BRCA1: variants seen among roughly 807,000 people sequenced by gnomAD.
BRCA1 encodes BRCA1 DNA repair associated, also known as breast cancer type 1 susceptibility protein.
Under a neutral mutation model 173.7 loss-of-function variants are expected in BRCA1, and 140 were observed. The ratio of observed to expected loss-of-function variants is 0.81; its 90% CI spans 0.70 to 0.93. BRCA1 has a LOEUF of 0.93. BRCA1 is among the 40% of genes least tolerant of loss of function. The pLI, the probability that BRCA1 is intolerant of heterozygous loss-of-function variation, is 0.00. For synonymous variants in BRCA1, 662 were observed against 756.0 expected (o/e 0.88, Z 2.04); for missense variants, 1,983 against 2,172.5 (o/e 0.91, Z 1.73).
At position 43,132,145 on chromosome 17, in the gene BRCA1, A is replaced by G. The variant is rs189845846; in HGVS notation, c.-19-8030T>C. Among the ~76,000 whole-genome samples the G allele has an allele frequency of 3.3e-5, 5 of 152,330 alleles. No individual in the cohort carries two copies. In the East Asian group the frequency reaches 9.6e-4, roughly 29 times the overall value. On this transcript the variant is annotated intron_variant, in intron 1 of 7. Transcript: ENST00000634433. ...ATTTGCCCCAATTTACAGATGAGGAACTGAGGCACAGAGAGGTTTTGGTAC... is the reference window on the plus strand; with the variant it reads ...ATTTGCCCCAATTTACAGATGAGGAGCTGAGGCACAGAGAGGTTTTGGTAC...
intron 14 of BRCA1, 63 bp downstream of exon 14, chr17:43,074,268 T>A (rs1417939677): frequency 2.0e-5 from 31 of 1,585,690 alleles, no homozygotes; most frequent in Non-Finnish European, 2.7e-5. Flanking sequence ...AACCAGAATA[T>A]CTTTATGTAG....
Position 43,102,706 on chromosome 17 carries a change from G to A in BRCA1, c.441+1416C>T, listed in dbSNP as rs34765977. 9.7e-3 allele frequency among the ~76,000 whole-genome samples: 1,466 copies of A among 150,814 alleles called. 13 individuals carry two copies. The highest frequency in any genetic ancestry group is 0.016 in the Non-Finnish European group (1,087 of 67,814). On this transcript the variant is annotated intron_variant, in intron 6 of 22. Transcript: ENST00000357654. The stretch of plus-strand genomic sequence containing the variant: ...CTTGCTTTGCCGCCCACGCTGAAGT[G>A]CAGTGGAGTGATCATAGCTCACTGT...
rs192658149 is a variant in BRCA1, at chr17:43,110,175, T to C, written c.135-3642A>G. ...TCCCAAAGTGCTGGGATTACAGGCG[T>C]GAGCCACCGCACCCGGCCTCGAATC... is the stretch of plus-strand genomic sequence containing the variant. On this transcript the variant is annotated intron_variant, in intron 3 of 22. Transcript: ENST00000357654. 7.2e-5 allele frequency among the ~76,000 whole-genome samples: 11 copies of C among 152,250 alleles called. No individual in the cohort carries two copies. The East Asian group carries it at 2.1e-3, about 29-fold the overall frequency.
chr17:43,137,996 G>C (rs1175131063), intron 1 of BRCA1, among the ~76,000 whole-genome samples: 1 of 150,166 alleles, frequency 6.7e-6, no homozygotes, highest in Non-Finnish European at 1.5e-5. Flanking sequence ...AGACCAGTCT[G>C]ACCAGCATGG....
intron 16 of BRCA1, 53 bp from the exon 17 acceptor site, chr17:43,064,004 G>T (rs8176258): frequency 6.5e-7 from 1 of 1,533,758 alleles, no homozygotes; most frequent in Non-Finnish European, 9.0e-7. Context: ...AAATCAGGAA[G>T]TGCTGTCCTA....
Position 43,147,210 on chromosome 17 carries a change from GAC to G in BRCA1, c.-20+22914_-20+22915del, listed in dbSNP as rs766115106. On this transcript the variant is annotated intron_variant, in intron 1 of 7. Transcript: ENST00000634433. ...CGACGGGGTTTCTTTTTTATTTTGA[GAC>G]AGAGTCTCGCTCTGTAGCCCAGGCT... is the stretch of plus-strand genomic sequence containing the variant. Among the ~76,000 whole-genome samples, 11 of 152,008 alleles carry G rather than the reference GAC, an allele frequency of 7.2e-5. 1 individual carries two copies. The East Asian group carries it at 1.5e-3, about 21-fold the overall frequency.
chr17:43,124,747 TTTTTGTTTTGTTTTG>T (rs572878542), intron 1 of BRCA1: 1 of 199,266 alleles, frequency 5.0e-6, no homozygotes, highest in African/African-American at 2.4e-5. Flanking sequence ...CAGCCGGTGT[TTTTTGTTTTGTTTTG>T]TTTTGTTTTG....
intron 1 of BRCA1, among the ~76,000 whole-genome samples, chr17:43,137,555 A>G (rs893121412): frequency 3.3e-5 from 5 of 152,094 alleles, no homozygotes; most frequent in Non-Finnish European, 5.9e-5. Context: ...AAGGATGTTC[A>G]AGGCTCGAGA....
intron 6 of BRCA1, among the ~76,000 whole-genome samples, chr17:43,101,028 G>T (rs916592622): frequency 6.6e-6 from 1 of 151,628 alleles, no homozygotes; most frequent in Non-Finnish European, 1.5e-5. Flanking sequence ...ACCGTGCCTG[G>T]CCAATAACAT....
chr17:43,055,743 G>A (rs1201468684), intron 19 of BRCA1, among the ~76,000 whole-genome samples: 1 of 152,258 alleles, frequency 6.6e-6, no homozygotes, highest in South Asian at 2.1e-4. Flanking sequence ...CTGAGATTGC[G>A]CCACTGCACT....
At chr17:43,085,246 C>G (rs1337241480) in intron 11 of BRCA1, among the ~76,000 whole-genome samples, 3 of 151,984 alleles carry the variant, frequency 2.0e-5, no homozygotes, top group Non-Finnish European at 4.4e-5. Flanking sequence ...CTGGCCATCA[C>G]AGTGAAACAC....
At chr17:43,138,448 G>T in intron 1 of BRCA1, 1 of 594,328 alleles carries the variant, frequency 1.7e-6, no homozygotes, top group Non-Finnish European at 3.0e-6. Flanking sequence ...CCAGGCCTCT[G>T]ACTTAGCTAG....
At chr17:43,090,715 G>C (rs1404794780) in intron 11 of BRCA1, among the ~76,000 whole-genome samples, 1 of 152,212 alleles carries the variant, frequency 6.6e-6, no homozygotes, top group Non-Finnish European at 1.5e-5. Context: ...CAATGAGCTA[G>C]GCAGTGTATG....
At chr17:43,056,519 A>G (rs771630271) in intron 19 of BRCA1, among the ~76,000 whole-genome samples, 1 of 152,076 alleles carries the variant, frequency 6.6e-6, no homozygotes, top group Non-Finnish European at 1.5e-5. Context: ...TTGGCTGGGC[A>G]CGGTGGCTCA....
rs2152472885 is a variant in BRCA1 at position 43,045,667 on chromosome 17, G to T, written c.*11C>A. 6.2e-7 allele frequency: 1 copy of T among 1,613,684 alleles called. No individual in the cohort carries two copies. The highest frequency in any genetic ancestry group is 8.5e-7 in the Non-Finnish European group (1 of 1,179,720). On this transcript the variant is annotated 3_prime_UTR_variant, in exon 23 of 23. Transcript: ENST00000357654. Reference sequence around the variant, plus strand: ...GGGGTCCTGTGGCTCTGTACCTGTGGCTGGCTGCAGTCAGTAGTGGCTGTG... The same window carrying T: ...GGGGTCCTGTGGCTCTGTACCTGTGTCTGGCTGCAGTCAGTAGTGGCTGTG...
chr17:43,092,600 T>A lies in BRCA1; in HGVS notation c.2931A>T (p.Pro977=). The change falls in exon 10 of 23, where the codon CCA becomes CCT. Residue 977 remains proline, a synonymous_variant. Coordinates refer to ENST00000357654, the MANE Select transcript of BRCA1 (RefSeq NM_007294.4). ...TPNKHGLLQN[P]YRIPPLFPIK... is the part of the protein sequence containing the mutation. ...TGGGAAAAAGTGGTGGTATACGATA[T>A]GGGTTTTGTAAAAGTCCATGTTTAT... is the stretch of plus-strand genomic sequence containing the variant. 1.2e-6 allele frequency: 2 copies of A among 1,614,104 alleles called. No individual in the cohort carries two copies. The highest frequency in any genetic ancestry group is 2.2e-5 in the South Asian group (2 of 91,070).
intron 11 of BRCA1, among the ~76,000 whole-genome samples, chr17:43,090,742 G>A (rs571605026): frequency 7.2e-5 from 11 of 152,186 alleles, no homozygotes; most frequent in Admixed American, 3.9e-4. Flanking sequence ...CTGTGTGTGC[G>A]CGTGTGCGTG....
chr17:43,056,915 G>A (rs2051486283), intron 19 of BRCA1, 137 bp downstream of exon 19: 1 of 816,456 alleles, frequency 1.2e-6, no homozygotes, highest in African/African-American at 1.7e-5. Flanking sequence ...AGTGAAAAAA[G>A]AACCTGTGTG....
intron 1 of BRCA1, among the ~76,000 whole-genome samples, chr17:43,139,386 T>TA (rs762421193): frequency 6.6e-6 from 1 of 151,684 alleles, no homozygotes; most frequent in Non-Finnish European, 1.5e-5. Flanking sequence ...TTTTTTGAGA[T>TA]AGAGTCTCGC....
Sources: gnomAD v4.1 joint callset for allele counts (sites outside exome capture counted in the v4.1 genomes callset) on GRCh38, gnomAD v4.1.1 for gene constraint, MANE v1.5 for transcripts, NCBI Gene and HGNC (gene_info 2026-07-23, HGNC 2026-07-21) for gene names.